Variants in APBB2 observed in about 807,000 individuals in gnomAD.
APBB2 encodes Fe65-like 1.
Under a neutral mutation model 82.5 loss-of-function variants are expected in APBB2, and 38 were observed. The ratio of observed to expected loss-of-function variants is 0.46; its 90% CI spans 0.36 to 0.60. The LOEUF (loss-of-function observed/expected upper bound fraction) is 0.60. APBB2 is among the 20% of genes least tolerant of loss of function. The pLI is 0.00. For missense variants in APBB2, 772 were observed against 972.3 expected (o/e 0.79, Z 2.74); for synonymous variants, 341 against 368.2 (o/e 0.93, Z 0.85).
intron 2 of APBB2, among the ~76,000 whole-genome samples, chr4:41,122,672 T>C (rs1438519830): frequency 6.6e-6 from 1 of 152,210 alleles, no homozygotes; most frequent in East Asian, 1.9e-4. Flanking sequence ...AGGGTTTTTC[T>C]TTCTTTTAAT....
chr4:40,986,859 T>C (rs902842039), intron 6 of APBB2, among the ~76,000 whole-genome samples: 2 of 152,158 alleles, frequency 1.3e-5, no homozygotes, highest in African/African-American at 4.8e-5. Context: ...TAAGATAAAT[T>C]TAGGAAACAA....
chr4:40,870,266 G>C (rs1765114786), intron 12 of APBB2, among the ~76,000 whole-genome samples: 1 of 152,212 alleles, frequency 6.6e-6, no homozygotes, highest in Non-Finnish European at 1.5e-5. Flanking sequence ...TGCCAGTGCA[G>C]ATGAGGGAGG....
At chr4:40,969,811 G>A (rs1229268873) in intron 6 of APBB2, among the ~76,000 whole-genome samples, 1 of 152,134 alleles carries the variant, frequency 6.6e-6, no homozygotes, top group Non-Finnish European at 1.5e-5. Context: ...ATTGTAAAGG[G>A]AACATGTTTC....
intron 12 of APBB2, among the ~76,000 whole-genome samples, chr4:40,854,174 G>C (rs1230754941): frequency 6.6e-6 from 1 of 152,158 alleles, no homozygotes; most frequent in African/African-American, 2.4e-5. Flanking sequence ...CATCAACTGG[G>C]TTATTTATGG....
At chr4:41,188,179 T>C (rs1361338193) in intron 1 of APBB2, among the ~76,000 whole-genome samples, 1 of 152,094 alleles carries the variant, frequency 6.6e-6, no homozygotes, top group Non-Finnish European at 1.5e-5. Context: ...GAACAACCAA[T>C]TAGCAGGCTT....
At chr4:40,927,724 T>G (rs1782990530) in intron 10 of APBB2, among the ~76,000 whole-genome samples, 1 of 152,142 alleles carries the variant, frequency 6.6e-6, no homozygotes, top group African/African-American at 2.4e-5. Flanking sequence ...TCAAGAGATC[T>G]GCCTGCCTGA....
chr4:40,871,837 C>T (rs751993774), intron 12 of APBB2, among the ~76,000 whole-genome samples: 14 of 152,178 alleles, frequency 9.2e-5, no homozygotes, highest in Non-Finnish European at 1.8e-4. Flanking sequence ...GAAGCACACA[C>T]AAGGAAATCT....
chr4:40,973,750 T>C lies in APBB2; in HGVS notation c.836-28677A>G, dbSNP rs967274380. Among the ~76,000 whole-genome samples, 4 of 152,322 alleles carry C rather than the reference T, an allele frequency of 2.6e-5. No homozygotes were observed. In the South Asian group the frequency reaches 6.2e-4, roughly 24 times the overall value. On this transcript the variant is annotated intron_variant, in intron 6 of 17. Transcript: ENST00000508593. ...GTAGTCCCAGACATTCCTTGGTTTGTGGCAGCACAACTGCAATCTCTGCCT... is the reference window on the plus strand; with the variant it reads ...GTAGTCCCAGACATTCCTTGGTTTGCGGCAGCACAACTGCAATCTCTGCCT...
chr4:41,195,318 C>T, intron 1 of APBB2, among the ~76,000 whole-genome samples: 1 of 152,216 alleles, frequency 6.6e-6, no homozygotes, highest in Non-Finnish European at 1.5e-5. Context: ...CAGCCTCCTG[C>T]TTCCAGCTGC....
intron 1 of APBB2, among the ~76,000 whole-genome samples, chr4:41,151,462 A>G (rs1276294089): frequency 6.6e-6 from 1 of 152,224 alleles, no homozygotes; most frequent in Non-Finnish European, 1.5e-5. Context: ...CATGTTTACC[A>G]GTTTATTTCT....
chr4:41,003,199 C>T (rs964829117), intron 6 of APBB2, among the ~76,000 whole-genome samples: 1 of 152,084 alleles, frequency 6.6e-6, no homozygotes, highest in African/African-American at 2.4e-5. Context: ...TTCATCAGTC[C>T]ACACCAAAAT....
chr4:41,214,145 G>A (rs1449774877), intron 1 of APBB2, among the ~76,000 whole-genome samples: 2 of 152,182 alleles, frequency 1.3e-5, no homozygotes, highest in Admixed American at 6.5e-5. Context: ...CCGTGCCACT[G>A]GCCCTGCGGC....
chr4:40,948,028 G>GACTTACTA lies in APBB2; in HGVS notation c.836-2956_836-2955insTAGTAAGT. Reference sequence around the variant, plus strand: ...ATTTCACAGAACAGAGCAACTTCATGACTCCCAAGACTTACTAACATTTAT... The same window carrying GACTTACTA: ...ATTTCACAGAACAGAGCAACTTCATGACTTACTAACTCCCAAGACTTACTAACATTTAT... On this transcript the variant is annotated intron_variant, in intron 6 of 17. Transcript: ENST00000508593. Among the ~76,000 whole-genome samples the GACTTACTA allele has an allele frequency of 2.0e-5, 3 of 152,332 alleles. No individual in the cohort carries two copies. The South Asian group carries it at 6.2e-4, about 32-fold the overall frequency.
chr4:41,046,691 T>C (rs1006083204), intron 4 of APBB2, among the ~76,000 whole-genome samples: 9 of 152,090 alleles, frequency 5.9e-5, no homozygotes, highest in Admixed American at 2.0e-4. Flanking sequence ...GAATGCATGA[T>C]TTTTTTTAAA....
chr4:40,958,461 G>A (rs1792246400), intron 6 of APBB2, among the ~76,000 whole-genome samples: 1 of 152,088 alleles, frequency 6.6e-6, no homozygotes, highest in African/African-American at 2.4e-5. Context: ...TCTCAATTTT[G>A]TTTTCTTGAG....
intron 1 of APBB2, among the ~76,000 whole-genome samples, chr4:41,147,296 C>G (rs1761038988): frequency 2.0e-5 from 3 of 151,938 alleles, no homozygotes. Flanking sequence ...CTGAAGTCAC[C>G]AAGTTATTTT....
rs538012086 is a variant in APBB2, at chr4:41,037,761, T to G, written c.-50-4457A>C. 1.1e-4 allele frequency among the ~76,000 whole-genome samples: 17 copies of G among 152,316 alleles called. No individual in the cohort carries two copies. In the East Asian group the frequency reaches 3.3e-3, roughly 29 times the overall value. On this transcript the variant is annotated intron_variant, in intron 4 of 17. Transcript: ENST00000508593. Reference sequence around the variant, plus strand: ...TAGGCTGGGTGCGATGGCTCATACCTGTAACCCCAGCACTTTGGGTGGCTG... The same window carrying G: ...TAGGCTGGGTGCGATGGCTCATACCGGTAACCCCAGCACTTTGGGTGGCTG...
intron 4 of APBB2, among the ~76,000 whole-genome samples, chr4:41,035,980 G>A (rs559529197): frequency 1.3e-5 from 2 of 152,010 alleles, no homozygotes; most frequent in Non-Finnish European, 2.9e-5. Flanking sequence ...GCAACACAGC[G>A]AGACCCTATC....
intron 7 of APBB2, among the ~76,000 whole-genome samples, chr4:40,942,541 C>A (rs1213916071): frequency 6.6e-6 from 1 of 152,122 alleles, no homozygotes; most frequent in African/African-American, 2.4e-5. Flanking sequence ...GACTTTTCTG[C>A]CTCAGGAGAC....
Sources: allele counts gnomAD v4.1 joint callset (sites outside exome capture counted in the v4.1 genomes callset), GRCh38; gene constraint gnomAD v4.1.1; transcripts MANE v1.5; gene names NCBI Gene and HGNC (gene_info 2026-07-23, HGNC 2026-07-21).